SBF1: variants seen among roughly 807,000 people sequenced by gnomAD.
SBF1 encodes the protein myotubularin-related protein 5.
A neutral mutation model predicts 215.8 loss-of-function variants in SBF1; 65 were observed. The ratio of observed to expected loss-of-function variants is 0.30; its 90% CI spans 0.25 to 0.37. The LOEUF (loss-of-function observed/expected upper bound fraction) is 0.37, where lower values mean the gene tolerates loss of function less well. Among genes scored for constraint, SBF1 ranks in the 10% least tolerant of loss-of-function variants. The pLI is 1.00. For synonymous variants in SBF1, 1,410 were observed against 1,122.8 expected, an observed-to-expected ratio of 1.26 and a Z score of -5.11; for missense variants, 2,634 against 2,667.8, an observed-to-expected ratio of 0.99 and a Z score of 0.28.
In SBF1 at chr22:50,446,762, C is replaced by T. The variant is rs2273261; in HGVS notation, c.*380G>A. ...GGCAGATGGGACCCTCTGGGTAGGC[C>T]GAGAGCAGGCAGCCGGGGAGTGGGG... is the stretch of plus-strand genomic sequence containing the variant. On this transcript the variant is annotated 3_prime_UTR_variant, in exon 41 of 41. Coordinates refer to ENST00000380817, the MANE Select transcript of SBF1 (RefSeq NM_002972.4). 43 of 528,818 alleles carry T rather than the reference C, an allele frequency of 8.1e-5. No individual in the cohort carries two copies. The Middle Eastern group carries it at 8.8e-4, about 11-fold the overall frequency. The allele number at this position is 528,818 out of a possible 1,614,324, so 32.8% of individuals were successfully genotyped here.
rs2067739675 is a variant in SBF1, at chr22:50,466,060, A to G, written c.912T>C (p.Val304=). 1 of 1,613,746 alleles carries G rather than the reference A, an allele frequency of 6.2e-7. No individual in the cohort carries two copies. The highest frequency in any genetic ancestry group is 8.5e-7 in the Non-Finnish European group (1 of 1,180,036). The change falls in exon 9 of 41, where the codon GTT becomes GTC. Residue 304 remains valine, a synonymous_variant. Coordinates refer to ENST00000380817, the MANE Select transcript of SBF1 (RefSeq NM_002972.4). ...AETQELLDVI[V]ADLDGGTVTI... is the part of the protein sequence containing the mutation. ...TGACCGTCCCTCCATCCAGATCAGCAACAATCACATCGAGCTGCGGACCAA... is the reference window on the plus strand; with the variant it reads ...TGACCGTCCCTCCATCCAGATCAGCGACAATCACATCGAGCTGCGGACCAA...
rs911114062 is a variant in SBF1 at position 50,457,056 on chromosome 22, G to A, written c.3882C>T (p.Ala1294=). Residue 1294 remains alanine, a synonymous_variant, in exon 29 of 41, where the codon GCC becomes GCT. Transcript: ENST00000380817. ...TTLSNPMAAS[A]SRRTAPRGKW... is the part of the protein sequence containing the mutation. Reference sequence around the variant, plus strand: ...TACCTCGGGGTGCGGTCCGTCTGGAGGCCGAGGCCGCCATGGGGTTGGACA... The same window carrying A: ...TACCTCGGGGTGCGGTCCGTCTGGAAGCCGAGGCCGCCATGGGGTTGGACA... 9.6e-6 allele frequency: 14 copies of A among 1,465,076 alleles called. No homozygotes were observed. In the Admixed American group the frequency reaches 2.4e-4, roughly 26 times the overall value. The allele number at this position is 1,465,076 out of a possible 1,614,324, so 90.8% of individuals were successfully genotyped here. A position where few individuals can be genotyped will look rare whatever the true frequency, so the allele number is the denominator to read the frequency against.
Position 50,455,474 on chromosome 22 carries a change from C to CA in SBF1, c.4368+6dup. 1 of 1,611,514 alleles carries CA rather than the reference C, an allele frequency of 6.2e-7. No homozygotes were observed. ...CCTGGCCCACCCCAGCCCCACGCGCCACACACCTGGGTGGTGATGTCCCAG... is the reference window on the plus strand; with the variant it reads ...CCTGGCCCACCCCAGCCCCACGCGCCAACACACCTGGGTGGTGATGTCCCAG... On this transcript the variant is annotated splice_region_variant and intron_variant, in intron 32 of 40. Transcript: ENST00000380817.
intron 1 of SBF1, among the ~76,000 whole-genome samples, chr22:50,472,995 G>A (rs2068048187): frequency 1.3e-5 from 2 of 152,160 alleles, no homozygotes; most frequent in East Asian, 1.9e-4. Context: ...TTGGGCTCCA[G>A]CCTTCTACCC....
At position 50,456,206 on chromosome 22, in the gene SBF1, G is replaced by A. The variant is rs1200780597; in HGVS notation, c.4266+10C>T. Reference sequence around the variant, plus strand: ...CCAAGGCGGGCAGAGGGACGGGGCAGTGCAGAGACCTGGATCAGCCACTCT... The same window carrying A: ...CCAAGGCGGGCAGAGGGACGGGGCAATGCAGAGACCTGGATCAGCCACTCT... On this transcript the variant is annotated intron_variant, in intron 31 of 40. Coordinates refer to ENST00000380817, the MANE Select transcript of SBF1 (RefSeq NM_002972.4). 1 of 1,610,916 alleles carries A rather than the reference G, an allele frequency of 6.2e-7. No homozygotes were observed. Among genetic ancestry groups the A allele is most frequent in the African/African-American group, 1.3e-5 (1 of 75,008 alleles).
rs764221445 is a variant in SBF1 at position 50,461,776 on chromosome 22, C to T, written c.2643+20G>A. 1.9e-6 allele frequency: 3 copies of T among 1,612,254 alleles called. No homozygotes were observed. The highest frequency in any genetic ancestry group is 3.3e-5 in the Admixed American group (2 of 59,992). On this transcript the variant is annotated intron_variant, in intron 21 of 40. Coordinates refer to ENST00000380817, the MANE Select transcript of SBF1 (RefSeq NM_002972.4). ...CAGCCCGGGCCTTGGGCCCCCGCAGCCCCAACGGCCCCCGCAAACCTTCTG... is the reference window on the plus strand; with the variant it reads ...CAGCCCGGGCCTTGGGCCCCCGCAGTCCCAACGGCCCCCGCAAACCTTCTG...
In SBF1 at chr22:50,462,401, A is replaced by C; in HGVS notation, c.2200T>G (p.Trp734Gly). Residue 734 changes from tryptophan (W) to glycine (G), a missense_variant, in exon 19 of 41, where the codon TGG becomes GGG. Coordinates refer to ENST00000380817, the MANE Select transcript of SBF1 (RefSeq NM_002972.4). ...LDVASEQRRL[W>G]PTLSREKQQE... ...TGCTTCTCACGACTCAGAGTTGGCC[A>C]CAAGCGCCGCTGCTCAGAAGCCACG... 6.2e-7 allele frequency: 1 copy of C among 1,614,044 alleles called. No homozygotes were observed. Among genetic ancestry groups the C allele is most frequent in the Non-Finnish European group, 8.5e-7 (1 of 1,180,012 alleles).
At position 50,445,050 on chromosome 22, in the gene SBF1, A is replaced by C. The variant is rs368494349; in HGVS notation, c.*2092T>G. 1 of 152,710 alleles carries C rather than the reference A, an allele frequency of 6.5e-6. No individual in the cohort carries two copies. The highest frequency in any genetic ancestry group is 1.9e-4 in the East Asian group (1 of 5,196). The allele number at this position is 152,710 out of a possible 1,614,324, so 9.5% of individuals were successfully genotyped here. A position where few individuals can be genotyped will look rare whatever the true frequency, so the allele number is the denominator to read the frequency against. ...TTCTGATCACCTGACAGGGCACCCC[A>C]AACCCCCAACTCCCAATAAAAGCCG... is the stretch of plus-strand genomic sequence containing the variant. On this transcript the variant is annotated 3_prime_UTR_variant, in exon 41 of 41. Coordinates refer to ENST00000380817, the MANE Select transcript of SBF1 (RefSeq NM_002972.4).
chr22:50,447,240 C>T lies in SBF1; in HGVS notation c.5584G>A (p.Val1862Met). Residue 1862 changes from valine to methionine, a missense_variant and splice_region_variant, in exon 41 of 41, where the codon GTG becomes ATG. By Grantham distance (21) the Val-to-Met change is conservative (BLOSUM62 1). Coordinates refer to ENST00000380817, the MANE Select transcript of SBF1 (RefSeq NM_002972.4). The stretch of plus-strand genomic sequence containing the variant: ...TTGTAAACGCGACGCGTTGTCTTCA[C>T]CTGGGGAAGGGCGGGTTACTGACTC... ...KTVDEKAFFD[V>M]KTTRRVYNFC... The T allele has an allele frequency of 1.2e-6, 2 of 1,613,942 alleles. No homozygotes were observed. The highest frequency in any genetic ancestry group is 2.2e-5 in the East Asian group (1 of 44,876).
chr22:50,470,889 G>A (rs1023226333), intron 1 of SBF1, among the ~76,000 whole-genome samples: 2 of 152,166 alleles, frequency 1.3e-5, no homozygotes, highest in Admixed American at 1.3e-4. Flanking sequence ...GCTGTGAGCA[G>A]CTCTCCTCCT....
rs773744488 is a variant in SBF1 at position 50,462,440 on chromosome 22, G to T, written c.2161C>A (p.Arg721Ser). The part of the protein sequence containing the change: ...VGEAPSQEDE[R>S]SALDVASEQR... ...TCAGAAGCCACGTCTAGGGCAGAGCGCTCGTCCTCCTGGGAAGGTGCCTCC... is the reference window on the plus strand; with the variant it reads ...TCAGAAGCCACGTCTAGGGCAGAGCTCTCGTCCTCCTGGGAAGGTGCCTCC... Residue 721 changes from arginine (R) to serine (S), a missense_variant, in exon 19 of 41, where the codon CGC (arginine) becomes AGC (serine). By Grantham distance (110) the Arg-to-Ser change is moderately radical. Coordinates refer to ENST00000380817, the MANE Select transcript of SBF1 (RefSeq NM_002972.4). 1 of 1,613,826 alleles carries T rather than the reference G, an allele frequency of 6.2e-7. No individual in the cohort carries two copies. Among genetic ancestry groups the T allele is most frequent in the African/African-American group, 1.3e-5 (1 of 74,926 alleles).
intron 2 of SBF1, among the ~76,000 whole-genome samples, chr22:50,468,154 T>C (rs2067854529): frequency 6.6e-6 from 1 of 152,050 alleles, no homozygotes; most frequent in African/African-American, 2.4e-5. Flanking sequence ...GGGAGAACAG[T>C]CCCCACCATC....
Position 50,462,239 on chromosome 22 carries a change from G to A in SBF1, c.2362C>T (p.Leu788=), listed in dbSNP as rs754259669. 3.7e-6 allele frequency: 6 copies of A among 1,608,712 alleles called. No individual in the cohort carries two copies. Among genetic ancestry groups the A allele is most frequent in the Non-Finnish European group, 5.1e-6 (6 of 1,179,976 alleles). The change falls in exon 19 of 41, where the codon CTG becomes TTG. Residue 788 remains leucine (L), a synonymous_variant. Coordinates refer to ENST00000380817, the MANE Select transcript of SBF1 (RefSeq NM_002972.4). ...ACCAGGCTGTTGCTGGCGCTCTCCA[G>A]GTCGCCCAGCCCGGCACGCTCCCGA... ...LLRERAGLGD[L]ESASNSLVTN...
chr22:50,452,941 G>A (rs2067105399), intron 36 of SBF1, among the ~76,000 whole-genome samples: 1 of 151,414 alleles, frequency 6.6e-6, no homozygotes, highest in African/African-American at 2.4e-5. Flanking sequence ...TCAACTCACA[G>A]TAGACAGAAT....
At position 50,456,342 on chromosome 22, in the gene SBF1, G is replaced by C. The variant is rs760115907; in HGVS notation, c.4140C>G (p.Phe1380Leu). 1.2e-6 allele frequency: 2 copies of C among 1,613,184 alleles called. No homozygotes were observed. The highest frequency in any genetic ancestry group is 1.7e-6 in the Non-Finnish European group (2 of 1,180,016). The change falls in exon 31 of 41, where the codon TTC becomes TTG. Residue 1380 changes from phenylalanine (F) to leucine (L), a missense_variant. By Grantham distance (22) the Phe-to-Leu change is conservative. Coordinates refer to ENST00000380817, the MANE Select transcript of SBF1 (RefSeq NM_002972.4). ...QQWELVPIEV[F>L]EARQVKASFK... ...AGCTAGCCTTCACCTGCCGTGCCTC[G>C]AATACCTCAATGGGCACCAGCTCCC...
intron 10 of SBF1, 64 bp from the exon 11 acceptor site, chr22:50,465,392 G>T: frequency 7.0e-7 from 1 of 1,425,752 alleles, no homozygotes; most frequent in South Asian, 1.3e-5. Flanking sequence ...GGCTGCCCAG[G>T]AGCTTCTCCA....
chr22:50,465,612 G>T (rs1471390806), intron 10 of SBF1, 151 bp downstream of exon 10: 2 of 759,118 alleles, frequency 2.6e-6, no homozygotes, highest in Non-Finnish European at 4.3e-6. Flanking sequence ...ACTCCTAACT[G>T]CTGGCAGCTG....
intron 1 of SBF1, among the ~76,000 whole-genome samples, chr22:50,473,110 TTCTC>T (rs1479866347): frequency 6.7e-6 from 1 of 150,368 alleles, no homozygotes; most frequent in East Asian, 1.9e-4. Flanking sequence ...ACTCTGCCTC[TTCTC>T]TCTGCCTACC....
chr22:50,464,741 G>A lies in SBF1; in HGVS notation c.1432-3C>T, dbSNP rs761815678. The A allele has an allele frequency of 7.5e-6, 12 of 1,608,480 alleles. No individual in the cohort carries two copies. Among genetic ancestry groups the A allele is most frequent in the South Asian group, 5.5e-5 (5 of 90,750 alleles). On this transcript the variant is annotated splice_region_variant and splice_polypyrimidine_tract_variant and intron_variant, in intron 13 of 40. Coordinates refer to ENST00000380817, the MANE Select transcript of SBF1 (RefSeq NM_002972.4). ...GCCACGGCTGGGTACGGGTTCTCCT[G>A]TGGGGAGACGGCAGGTGTGGGGCAG...
Sources: allele counts gnomAD v4.1 joint callset (sites outside exome capture counted in the v4.1 genomes callset), GRCh38; gene constraint gnomAD v4.1.1; transcripts MANE v1.5; gene names NCBI Gene and HGNC (gene_info 2026-07-23, HGNC 2026-07-21).